UGT1A6: variants seen among roughly 807,000 people sequenced by gnomAD.
UGT1A6 encodes the protein UDP glucuronosyltransferase family 1 member A6.
In UGT1A6, 32 loss-of-function variants were observed where a neutral mutation model predicts 44.4. That is an observed-to-expected ratio of 0.72 (90% CI 0.54 to 0.97). The LOEUF is 0.97. Ranked by LOEUF, UGT1A6 falls within the 50% of genes least tolerant of loss-of-function variation. The pLI is 0.00. For missense variants in UGT1A6, 685 were observed against 661.9 expected, an observed-to-expected ratio of 1.03 and a Z score of -0.38; for synonymous variants, 238 against 248.5, an observed-to-expected ratio of 0.96 and a Z score of 0.40.
chr2:233,713,914 A>T (rs2076356497), intron 1 of UGT1A6: 2 of 1,612,536 alleles, frequency 1.2e-6, no homozygotes, highest in Admixed American at 3.3e-5. Flanking sequence ...TTTTTAAAAA[A>T]TGTATTTACT....
intron 1 of UGT1A6, chr2:233,748,023 C>T: frequency 6.2e-7 from 1 of 1,613,520 alleles, no homozygotes; most frequent in Non-Finnish European, 8.5e-7. Context: ...GCCGATCATG[C>T]CCAACATGGT....
At chr2:233,694,598 C>T (rs2075228773) in intron 1 of UGT1A6, among the ~76,000 whole-genome samples, 1 of 152,300 alleles carries the variant, frequency 6.6e-6, no homozygotes. Flanking sequence ...CTTTGAAGGG[C>T]TTCAGGCAAC....
intron 1 of UGT1A6, among the ~76,000 whole-genome samples, chr2:233,739,404 C>T (rs1454262492): frequency 2.0e-5 from 3 of 152,174 alleles, no homozygotes; most frequent in Admixed American, 2.0e-4. Flanking sequence ...ATCAATGCCA[C>T]CCTCTGAAAG....
In UGT1A6 at chr2:233,760,260, G is replaced by A. The variant is rs753448247; in HGVS notation, c.862-6774G>A. ...TATATATATATATAAGTAGGAGAGG[G>A]CGAACCTCTGGCAGGAGCAAAGGCG... On this transcript the variant is annotated intron_variant, in intron 1 of 4. Coordinates refer to ENST00000305139, the MANE Select transcript of UGT1A6 (RefSeq NM_001072.4). 3.1e-6 allele frequency: 5 copies of A among 1,611,260 alleles called. 1 individual carries two copies. Among genetic ancestry groups the A allele is most frequent in the South Asian group, 2.2e-5 (2 of 90,906 alleles).
At position 233,698,386 on chromosome 2, in the gene UGT1A6, G is replaced by A. The variant is rs13393191; in HGVS notation, c.861+4521G>A. 5.5e-3 allele frequency among the ~76,000 whole-genome samples: 842 copies of A among 152,250 alleles called. 7 individuals are homozygous for A. Among genetic ancestry groups the A allele is most frequent in the African/African-American group, 0.019 (800 of 41,544 alleles). On this transcript the variant is annotated intron_variant, in intron 1 of 4. Coordinates refer to ENST00000305139, the MANE Select transcript of UGT1A6 (RefSeq NM_001072.4). ...ATGCCATGAAATTGTTCACTTTAGC[G>A]TGGTGAATTTTATGTGACTTCATCG...
At chr2:233,733,474 A>T (rs894713711) in intron 1 of UGT1A6, among the ~76,000 whole-genome samples, 1 of 152,316 alleles carries the variant, frequency 6.6e-6, no homozygotes, top group Admixed American at 6.5e-5. Context: ...TTATTTTGAG[A>T]TACTTCCATC....
chr2:233,693,909 C>A, intron 1 of UGT1A6, 44 bp downstream of exon 1: 1 of 1,612,700 alleles, frequency 6.2e-7, no homozygotes, highest in Non-Finnish European at 8.5e-7. Context: ...TTCTTCCAGG[C>A]TCTGTCCTCC....
At position 233,693,173 on chromosome 2, in the gene UGT1A6, G is replaced by T; in HGVS notation, c.169G>T (p.Val57Leu). The change falls in exon 1 of 5, where the codon GTA (valine) becomes TTA (leucine). Residue 57 changes from valine (V) to leucine (L), a missense_variant. Coordinates refer to ENST00000305139, the MANE Select transcript of UGT1A6 (RefSeq NM_001072.4). ...TCTCAGTGACCGGGGTCATGAGATT[G>T]TAGTGGTGGTGCCTGAAGTTAATTT... ...EVLSDRGHEI[V>L]VVVPEVNLLL... 6.2e-7 allele frequency: 1 copy of T among 1,614,186 alleles called. No homozygotes were observed. Among genetic ancestry groups the T allele is most frequent in the Non-Finnish European group, 8.5e-7 (1 of 1,179,998 alleles).
intron 1 of UGT1A6, chr2:233,754,805 A>G (rs755961500): frequency 2.3e-6 from 3 of 1,294,912 alleles, no homozygotes; most frequent in South Asian, 2.4e-5. Context: ...TATCAAAAGA[A>G]GAAAAACCAC....
intron 1 of UGT1A6, among the ~76,000 whole-genome samples, chr2:233,698,597 G>C (rs966031058): frequency 6.6e-6 from 1 of 152,070 alleles, no homozygotes; most frequent in East Asian, 1.9e-4. Context: ...CAAGAAATTC[G>C]GATTAATAAA....
upstream of UGT1A6, among the ~76,000 whole-genome samples, chr2:233,692,572 G>A (rs757852696): frequency 1.8e-4 from 27 of 152,166 alleles, 1 homozygote; most frequent in Non-Finnish European, 3.4e-4. Context: ...TACCCAGCTG[G>A]TGTTAGAGAA....
intron 1 of UGT1A6, among the ~76,000 whole-genome samples, chr2:233,700,813 C>T (rs1389700095): frequency 6.6e-6 from 1 of 151,890 alleles, no homozygotes; most frequent in African/African-American, 2.4e-5. Context: ...TGTTGGTGTG[C>T]TGCACCCATT....
chr2:233,742,633 C>A (rs1280681642), intron 1 of UGT1A6: 1 of 152,070 alleles, frequency 6.6e-6, no homozygotes, highest in African/African-American at 2.4e-5. Context: ...TGAAGACAGT[C>A]CTAGTATACC....
At position 233,715,197 on chromosome 2, in the gene UGT1A6, C is replaced by T. The variant is rs534544158; in HGVS notation, c.861+21332C>T. 7.9e-5 allele frequency among the ~76,000 whole-genome samples: 12 copies of T among 152,300 alleles called. No individual in the cohort carries two copies. The South Asian group carries it at 2.5e-3, about 32-fold the overall frequency. ...CACCACACCTAGGCAATTTTTCTAT[C>T]TTTTAAAAGACCCTCTACTGAATCT... is the stretch of plus-strand genomic sequence containing the variant. On this transcript the variant is annotated intron_variant, in intron 1 of 4. Coordinates refer to ENST00000305139, the MANE Select transcript of UGT1A6 (RefSeq NM_001072.4).
At chr2:233,707,423 CT>C (rs1175644218) in intron 1 of UGT1A6, among the ~76,000 whole-genome samples, 1 of 151,946 alleles carries the variant, frequency 6.6e-6, no homozygotes, top group Non-Finnish European at 1.5e-5. Flanking sequence ...TCGACTATTT[CT>C]TTGCTTTTCT....
chr2:233,701,223 G>C (rs1559351682), intron 1 of UGT1A6, among the ~76,000 whole-genome samples: 1 of 152,114 alleles, frequency 6.6e-6, no homozygotes, highest in East Asian at 1.9e-4. Flanking sequence ...ATAATCCTTT[G>C]GGTATATACC....
Position 233,714,841 on chromosome 2 carries a change from T to C in UGT1A6, c.861+20976T>C, listed in dbSNP as rs560513548. Among the ~76,000 whole-genome samples, 282 of 152,342 alleles carry C rather than the reference T, an allele frequency of 1.9e-3. 2 individuals are homozygous for C. Among genetic ancestry groups the C allele is most frequent in the African/African-American group, 6.5e-3 (270 of 41,588 alleles). ...GTGACAACAATATGGTGAATGTTTATAAATATTCCATGGATAAAACTAAAA... is the reference window on the plus strand; with the variant it reads ...GTGACAACAATATGGTGAATGTTTACAAATATTCCATGGATAAAACTAAAA... On this transcript the variant is annotated intron_variant, in intron 1 of 4. Coordinates refer to ENST00000305139, the MANE Select transcript of UGT1A6 (RefSeq NM_001072.4).
intron 1 of UGT1A6, chr2:233,747,360 G>A: frequency 6.2e-7 from 1 of 1,603,748 alleles, no homozygotes; most frequent in Non-Finnish European, 8.5e-7. Context: ...GGCCGTGCGG[G>A]AGCTCCATGC....
chr2:233,759,150 A>G (rs1697070072), intron 1 of UGT1A6, among the ~76,000 whole-genome samples: 1 of 152,238 alleles, frequency 6.6e-6, no homozygotes. Flanking sequence ...GGTGAGTTCC[A>G]CAGAACACAA....
Sources: allele counts gnomAD v4.1 joint callset (sites outside exome capture counted in the v4.1 genomes callset), GRCh38; gene constraint gnomAD v4.1.1; transcripts MANE v1.5; gene names NCBI Gene and HGNC (gene_info 2026-07-23, HGNC 2026-07-21).